Variants in CTCFL observed in about 807,000 individuals in gnomAD.
CTCFL encodes transcriptional repressor CTCFL.
Under a neutral mutation model 67.4 loss-of-function variants are expected in CTCFL, and 36 were observed. That is an observed-to-expected ratio of 0.53 (90% CI 0.41 to 0.71). The LOEUF (loss-of-function observed/expected upper bound fraction) is 0.71. CTCFL is among the 30% of genes least tolerant of loss of function. The probability of loss-of-function intolerance (pLI) is 0.00; values close to 1 mark genes in which losing one functional copy is unlikely to be tolerated. For synonymous variants in CTCFL, 324 were observed against 302.3 expected (o/e 1.07, Z -0.75); for missense variants, 786 against 835.2 (o/e 0.94, Z 0.73).
At position 57,503,617 on chromosome 20, in the gene CTCFL, C is replaced by T. The variant is rs2068029962; in HGVS notation, c.1675-16G>A. 5 of 1,613,610 alleles carry T rather than the reference C, an allele frequency of 3.1e-6. No homozygotes were observed. Among genetic ancestry groups the T allele is most frequent in the Non-Finnish European group, 4.2e-6 (5 of 1,179,662 alleles). ...GCAGGTTAATCTGTCGGAGAATTGA[C>T]ACAGAACACACAAGGCGAGTGAGAT... On this transcript the variant is annotated splice_polypyrimidine_tract_variant and intron_variant, in intron 9 of 10. Transcript: ENST00000243914.
chr20:57,524,915 C>G (rs1437649107), intron 1 of CTCFL, 113 bp downstream of exon 1: 2 of 232,066 alleles, frequency 8.6e-6, no homozygotes, highest in Non-Finnish European at 1.4e-5. Context: ...AGCCCCTCAG[C>G]GTCTGCCGCC....
chr20:57,509,353 T>C (rs2068411507), intron 8 of CTCFL, among the ~76,000 whole-genome samples: 2 of 147,216 alleles, frequency 1.4e-5, no homozygotes, highest in Non-Finnish European at 3.0e-5. Context: ...AATCTCAAAC[T>C]CCTGGGCCCA....
At chr20:57,522,350 T>A (rs1289215913) in intron 3 of CTCFL, among the ~76,000 whole-genome samples, 1 of 152,204 alleles carries the variant, frequency 6.6e-6, no homozygotes, top group African/African-American at 2.4e-5. Context: ...TGAAATATGT[T>A]GATTTAAATA....
Position 57,524,050 on chromosome 20 carries a change from G to A in CTCFL, c.156C>T (p.Thr52=). 6.2e-7 allele frequency: 1 copy of A among 1,613,604 alleles called. No homozygotes were observed. The highest frequency in any genetic ancestry group is 8.5e-7 in the Non-Finnish European group (1 of 1,179,984). ...GGACGCTGTCCTGGAAGGCCCCAGA[G>A]GTACGCTCGGCCTCCAACTCACTAG... ...RSPSELEAER[T]SGAFQDSVLE... The change falls in exon 2 of 11, where the codon ACC becomes ACT. Residue 52 remains threonine, a synonymous_variant. Coordinates refer to ENST00000243914, the MANE Select transcript of CTCFL (RefSeq NM_001386993.1).
intron 8 of CTCFL, 56 bp from the exon 9 acceptor site, chr20:57,508,844 T>TA: frequency 6.8e-7 from 1 of 1,479,550 alleles, no homozygotes; most frequent in South Asian, 1.2e-5. Context: ...TTCTCGATAT[T>TA]AGACACTGTT....
chr20:57,524,814 C>G (rs777085773), intron 1 of CTCFL: 59 of 946,748 alleles, frequency 6.2e-5, no homozygotes, highest in Non-Finnish European at 7.2e-5. Flanking sequence ...AAGCAGCCCT[C>G]GGCCAGACCA....
intron 5 of CTCFL, among the ~76,000 whole-genome samples, chr20:57,517,983 A>T (rs1016975609): frequency 2.0e-5 from 3 of 152,214 alleles, no homozygotes; most frequent in African/African-American, 7.2e-5. Context: ...AAGTTCTTGG[A>T]ATCAAATTCT....
chr20:57,513,429 G>A, intron 7 of CTCFL: 26 of 989,172 alleles, frequency 2.6e-5, no homozygotes, highest in Non-Finnish European at 3.0e-5. Context: ...TACCCACAGT[G>A]ACTCAGACAT....
chr20:57,497,380 T>C lies in CTCFL; in HGVS notation c.*1170A>G. 1.0e-6 allele frequency: 1 copy of C among 985,004 alleles called. No individual in the cohort carries two copies. Among genetic ancestry groups the C allele is most frequent in the African/African-American group, 1.7e-5 (1 of 57,342 alleles). The allele number at this position is 985,004 out of a possible 1,614,324, so 61.0% of individuals were successfully genotyped here. ...GGGAAATTATTTCCACATATTCACA[T>C]TGTATAGGGATTCTGAACTTGTGAT... is the stretch of plus-strand genomic sequence containing the variant. On this transcript the variant is annotated 3_prime_UTR_variant, in exon 11 of 11. Coordinates refer to ENST00000243914, the MANE Select transcript of CTCFL (RefSeq NM_001386993.1).
At chr20:57,519,510 G>A (rs540152189) in intron 3 of CTCFL, 133 bp from the exon 4 acceptor site, 389 of 751,920 alleles carry the variant, frequency 5.2e-4, no homozygotes, top group Non-Finnish European at 7.2e-4. Flanking sequence ...ATATCCACAA[G>A]CTGATCGAAG....
intron 3 of CTCFL, among the ~76,000 whole-genome samples, chr20:57,521,843 T>C (rs914843867): frequency 6.6e-6 from 1 of 152,222 alleles, no homozygotes; most frequent in Non-Finnish European, 1.5e-5. Context: ...TATACATATA[T>C]GATTCAACTT....
downstream of CTCFL, among the ~76,000 whole-genome samples, chr20:57,496,596 C>G (rs2067726859): frequency 6.6e-6 from 1 of 152,164 alleles, no homozygotes; most frequent in Non-Finnish European, 1.5e-5. Context: ...AACACTAACT[C>G]TCCATTCTCC....
At chr20:57,524,489 C>CTGCGCCTGGCAAGGT in intron 1 of CTCFL, 1 of 1,239,188 alleles carries the variant, frequency 8.1e-7, no homozygotes, top group South Asian at 2.1e-5. Flanking sequence ...AGCACACATC[C>CTGCGCCTGGCAAGGT]TGCGCCTGGC....
chr20:57,496,001 T>G, downstream of CTCFL: 1 of 367,970 alleles, frequency 2.7e-6, no homozygotes, highest in Non-Finnish European at 4.8e-6. Context: ...GTTTTTGAAA[T>G]TAACATACAT....
rs1257763572 is a variant in CTCFL, at chr20:57,524,158, G to C, written c.48C>G (p.Ile16Met). 2 of 1,613,250 alleles carry C rather than the reference G, an allele frequency of 1.2e-6. No homozygotes were observed. The highest frequency in any genetic ancestry group is 1.7e-5 in the Admixed American group (1 of 59,984). The change falls in exon 2 of 11, where the codon ATC (isoleucine) becomes ATG (methionine). Residue 16 changes from isoleucine to methionine, a missense_variant. Coordinates refer to ENST00000243914, the MANE Select transcript of CTCFL (RefSeq NM_001386993.1). ...TTTCCGGCATCAACTCGAGTTCTTT[G>C]ATCTTGGTGAATTGCTCAGAAAGGA... ...ISVLSEQFTK[I>M]KELELMPEKG...
intron 9 of CTCFL, among the ~76,000 whole-genome samples, chr20:57,506,455 C>T (rs1341995373): frequency 6.6e-6 from 1 of 152,184 alleles, no homozygotes; most frequent in Non-Finnish European, 1.5e-5. Context: ...AGGCATGTGC[C>T]ACCATGCCCA....
In CTCFL at chr20:57,507,278, G is replaced by A. The variant is rs529523347; in HGVS notation, c.1674+1328C>T. ...ACAATCTCAGCTCACTGCAACCTCT[G>A]TCTCCTGGGTTCAAGTGATCCTCCC... On this transcript the variant is annotated intron_variant, in intron 9 of 10. Coordinates refer to ENST00000243914, the MANE Select transcript of CTCFL (RefSeq NM_001386993.1). The A allele has an allele frequency of 8.9e-6, 3 of 336,452 alleles. No homozygotes were observed. In the South Asian group the frequency reaches 1.0e-4, roughly 11 times the overall value. The allele number at this position is 336,452 out of a possible 1,614,324, so 20.8% of individuals were successfully genotyped here.
At chr20:57,499,085 G>GGGGGGGGGT in intron 10 of CTCFL, among the ~76,000 whole-genome samples, 1 of 20,916 alleles carries the variant, frequency 4.8e-5, no homozygotes, top group East Asian at 1.9e-3. Flanking sequence ...GGGGGGGGGT[G>GGGGGGGGGT]GGGGGGGGAC....
At chr20:57,499,076 G>GGT (rs1174557976) in intron 10 of CTCFL, among the ~76,000 whole-genome samples, 1 of 115,844 alleles carries the variant, frequency 8.6e-6, no homozygotes, top group Non-Finnish European at 1.8e-5. Context: ...AAGGTGACGG[G>GGT]GGGGGGGTGG....
Sources: gnomAD v4.1 joint callset for allele counts (sites outside exome capture counted in the v4.1 genomes callset) on GRCh38, gnomAD v4.1.1 for gene constraint, MANE v1.5 for transcripts, NCBI Gene and HGNC (gene_info 2026-07-23, HGNC 2026-07-21) for gene names.